The following RBPMS variants were observed in gnomAD, a reference collection of about 807,000 sequenced individuals.
RBPMS encodes the protein RNA binding protein, mRNA processing factor, also known as RNA-binding protein with multiple splicing.
RBPMS carries 7 observed loss-of-function variants against 26.8 expected under a neutral mutation model. That is an observed-to-expected ratio of 0.26 (90% CI 0.15 to 0.49). The LOEUF (loss-of-function observed/expected upper bound fraction) is 0.49, where lower values mean the gene tolerates loss of function less well. Ranked by LOEUF, RBPMS falls within the 20% of genes least tolerant of loss-of-function variation. The pLI, the probability that RBPMS is intolerant of heterozygous loss-of-function variation, is 0.98. For missense variants in RBPMS, 186 were observed against 250.0 expected (o/e 0.74, Z 1.73); for synonymous variants, 96 against 93.3 (o/e 1.03, Z -0.17).
At chr8:30,426,482 C>T (rs1022418615) in intron 1 of RBPMS, among the ~76,000 whole-genome samples, 3 of 152,092 alleles carry the variant, frequency 2.0e-5, no homozygotes, top group African/African-American at 7.2e-5. Flanking sequence ...AATACCTTAT[C>T]GGCAGATCAT....
At chr8:30,555,557 A>G (rs1826795377) in intron 6 of RBPMS, among the ~76,000 whole-genome samples, 1 of 152,168 alleles carries the variant, frequency 6.6e-6, no homozygotes, top group Non-Finnish European at 1.5e-5. Context: ...GAGAGAGAGA[A>G]CTATGGGAGA....
rs1009989575 is a variant in RBPMS, at chr8:30,418,825, C to T, written c.66+33667C>T. 7.2e-5 allele frequency among the ~76,000 whole-genome samples: 11 copies of T among 152,142 alleles called. No homozygotes were observed. The South Asian group carries it at 8.3e-4, about 11-fold the overall frequency. ...AACTCCTGACCTCAAGTGATCCATCCGCCTCAGCCTCCCAAAATGCTCGGC... is the reference window on the plus strand; with the variant it reads ...AACTCCTGACCTCAAGTGATCCATCTGCCTCAGCCTCCCAAAATGCTCGGC... On this transcript the variant is annotated intron_variant, in intron 1 of 8. Coordinates refer to ENST00000397323, the MANE Select transcript of RBPMS (RefSeq NM_001008710.3).
At chr8:30,531,642 G>A (rs1194333300) in intron 5 of RBPMS, among the ~76,000 whole-genome samples, 1 of 152,172 alleles carries the variant, frequency 6.6e-6, no homozygotes, top group Admixed American at 6.5e-5. Flanking sequence ...GAGGGCAGGA[G>A]GGGGGAGTTA....
chr8:30,537,308 C>T (rs897457988), intron 5 of RBPMS, among the ~76,000 whole-genome samples: 4 of 152,180 alleles, frequency 2.6e-5, no homozygotes. Context: ...AGCAGAAAAT[C>T]ATTAAATGGA....
intron 7 of RBPMS, chr8:30,561,802 A>G: frequency 1.1e-6 from 1 of 946,850 alleles, no homozygotes; most frequent in Non-Finnish European, 1.3e-6. Flanking sequence ...GGACCTAAGG[A>G]AGGGCTTTTT....
At chr8:30,546,294 TTA>T (rs1563435143) in intron 6 of RBPMS, among the ~76,000 whole-genome samples, 1 of 152,176 alleles carries the variant, frequency 6.6e-6, no homozygotes, top group Non-Finnish European at 1.5e-5. Flanking sequence ...ATGGCTTTGG[TTA>T]GTCAGCAACA....
Position 30,524,622 on chromosome 8 carries a change from T to A in RBPMS, c.398-19872T>A, listed in dbSNP as rs78638543. Among the ~76,000 whole-genome samples, 1,490 of 152,220 alleles carry A rather than the reference T, an allele frequency of 9.8e-3. 23 individuals carry two copies. Among genetic ancestry groups the A allele is most frequent in the African/African-American group, 0.031 (1,276 of 41,522 alleles). On this transcript the variant is annotated intron_variant, in intron 5 of 8. Coordinates refer to ENST00000397323, the MANE Select transcript of RBPMS (RefSeq NM_001008710.3). ...CAGATATAAGTAGGGCAAGGTGAGA[T>A]GAAAAGAAGGGAACTAAGCAGTTAA... is the stretch of plus-strand genomic sequence containing the variant.
intron 1 of RBPMS, among the ~76,000 whole-genome samples, chr8:30,437,122 C>G (rs1206156419): frequency 2.0e-5 from 3 of 151,486 alleles, no homozygotes; most frequent in Non-Finnish European, 4.4e-5. Context: ...GGGGTTTCAC[C>G]GTGTTAGCCA....
chr8:30,502,884 C>T (rs78990358), intron 4 of RBPMS, among the ~76,000 whole-genome samples: 2,579 of 152,222 alleles, frequency 0.017, 79 homozygotes, highest in African/African-American at 0.059. Flanking sequence ...AAAAATACAA[C>T]ACAATATCAG....
intron 1 of RBPMS, among the ~76,000 whole-genome samples, chr8:30,433,146 T>C (rs1812119962): frequency 6.6e-6 from 1 of 152,166 alleles, no homozygotes; most frequent in Non-Finnish European, 1.5e-5. Flanking sequence ...AATTCTACCG[T>C]TTAAAACTTG....
chr8:30,489,568 C>T (rs988742521), intron 4 of RBPMS, among the ~76,000 whole-genome samples: 4 of 151,980 alleles, frequency 2.6e-5, no homozygotes, highest in African/African-American at 7.2e-5. Context: ...CCTCAGCCTC[C>T]TGAGTAGCTG....
At chr8:30,390,432 T>A (rs1807651276) in intron 1 of RBPMS, among the ~76,000 whole-genome samples, 1 of 152,240 alleles carries the variant, frequency 6.6e-6, no homozygotes, top group African/African-American at 2.4e-5. Flanking sequence ...TACACCATAC[T>A]GCTGGGCCCT....
intron 5 of RBPMS, among the ~76,000 whole-genome samples, chr8:30,514,039 G>A (rs902131038): frequency 6.6e-6 from 1 of 152,076 alleles, no homozygotes; most frequent in Non-Finnish European, 1.5e-5. Flanking sequence ...CATAACTACT[G>A]GCACCTTAAT....
At chr8:30,519,753 A>C (rs1031136504) in intron 5 of RBPMS, among the ~76,000 whole-genome samples, 4 of 151,994 alleles carry the variant, frequency 2.6e-5, no homozygotes, top group Admixed American at 6.6e-5. Flanking sequence ...TCGGCCTCCC[A>C]AAGTGCTGGG....
intron 1 of RBPMS, among the ~76,000 whole-genome samples, chr8:30,432,111 G>A (rs2065567985): frequency 6.6e-6 from 1 of 152,148 alleles, no homozygotes; most frequent in Non-Finnish European, 1.5e-5. Flanking sequence ...GGACAACAGA[G>A]TGAGACCCTG....
In RBPMS at chr8:30,499,720, T is replaced by C. The variant is rs559629301; in HGVS notation, c.247-4566T>C. Reference sequence around the variant, plus strand: ...GGACTGAAGAACTCTTTCAGGAGACTAAAGTGATGACAACTAAGTGCTGTG... The same window carrying C: ...GGACTGAAGAACTCTTTCAGGAGACCAAAGTGATGACAACTAAGTGCTGTG... On this transcript the variant is annotated intron_variant, in intron 4 of 8. Transcript: ENST00000397323. 4.6e-5 allele frequency among the ~76,000 whole-genome samples: 7 copies of C among 152,290 alleles called. No individual in the cohort carries two copies. The East Asian group carries it at 1.3e-3, about 29-fold the overall frequency.
chr8:30,530,597 G>C (rs1330741050), intron 5 of RBPMS, among the ~76,000 whole-genome samples: 1 of 152,070 alleles, frequency 6.6e-6, no homozygotes, highest in Non-Finnish European at 1.5e-5. Context: ...CGAGTAGCTG[G>C]GATTACAGGC....
At chr8:30,414,980 A>G (rs1809891548) in intron 1 of RBPMS, among the ~76,000 whole-genome samples, 1 of 150,794 alleles carries the variant, frequency 6.6e-6, no homozygotes, top group Non-Finnish European at 1.5e-5. Context: ...CTGCCTCTTC[A>G]TTTCTCGTGG....
rs1408343746 is a variant in RBPMS at position 30,506,757 on chromosome 8, C to A, written c.397+2321C>A. The stretch of plus-strand genomic sequence containing the variant: ...TTTTTATAAATGTTTCTTTTGGTTA[C>A]TGTTTTTATATGGTAGTGGCTGAAA... On this transcript the variant is annotated intron_variant, in intron 5 of 8. Transcript: ENST00000397323. 2.0e-5 allele frequency among the ~76,000 whole-genome samples: 3 copies of A among 152,294 alleles called. No individual in the cohort carries two copies. The South Asian group carries it at 6.2e-4, about 32-fold the overall frequency.
Sources: gnomAD v4.1 joint callset for allele counts (sites outside exome capture counted in the v4.1 genomes callset) on GRCh38, gnomAD v4.1.1 for gene constraint, MANE v1.5 for transcripts, NCBI Gene and HGNC (gene_info 2026-07-23, HGNC 2026-07-21) for gene names.